The following RPRD2 variants were observed in gnomAD, a reference collection of about 807,000 sequenced individuals.
RPRD2 encodes regulation of nuclear pre-mRNA domain containing 2.
RPRD2 carries 12 observed loss-of-function variants against 104.4 expected under a neutral mutation model. The ratio of observed to expected loss-of-function variants is 0.11; its 90% CI spans 0.07 to 0.19. RPRD2 has a LOEUF of 0.19. Among genes scored for constraint, RPRD2 ranks in the 10% least tolerant of loss-of-function variants. The probability of loss-of-function intolerance (pLI) is 1.00; values close to 1 mark genes in which losing one functional copy is unlikely to be tolerated. For missense variants in RPRD2, 1,543 were observed against 1,790.1 expected, an observed-to-expected ratio of 0.86 and a Z score of 2.49; for synonymous variants, 714 against 684.9, an observed-to-expected ratio of 1.04 and a Z score of -0.66.
At chr1:150,434,171 G>T (rs117069894) in intron 2 of RPRD2, among the ~76,000 whole-genome samples, 1 of 152,018 alleles carries the variant, frequency 6.6e-6, no homozygotes, top group Non-Finnish European at 1.5e-5. Flanking sequence ...CCTGGCCAAC[G>T]TGGCAAAACC....
chr1:150,369,051 A>G (rs1660066672), intron 1 of RPRD2, among the ~76,000 whole-genome samples: 1 of 152,202 alleles, frequency 6.6e-6, no homozygotes, highest in Non-Finnish European at 1.5e-5. Context: ...CTGTCCCCAA[A>G]CAACTAGGAT....
At chr1:150,404,399 A>G (rs1663302331) in intron 1 of RPRD2, among the ~76,000 whole-genome samples, 1 of 152,032 alleles carries the variant, frequency 6.6e-6, no homozygotes, top group African/African-American at 2.4e-5. Flanking sequence ...GGTGCTTGCC[A>G]CCGCATCCAG....
intron 2 of RPRD2, among the ~76,000 whole-genome samples, chr1:150,427,860 G>A (rs1007118550): frequency 9.9e-5 from 15 of 152,012 alleles, no homozygotes; most frequent in Non-Finnish European, 2.2e-4. Flanking sequence ...AAAAAATAAA[G>A]TTAAATGATT....
intron 10 of RPRD2, among the ~76,000 whole-genome samples, chr1:150,466,034 A>AT (rs1553899888): frequency 1.5e-4 from 11 of 73,428 alleles, no homozygotes; most frequent in African/African-American, 1.7e-4. Context: ...AAAAAAAAAA[A>AT]TTTTTTTATG....
chr1:150,461,120 C>A (rs1667904183), intron 9 of RPRD2, among the ~76,000 whole-genome samples: 1 of 151,550 alleles, frequency 6.6e-6, no homozygotes, highest in African/African-American at 2.4e-5. Context: ...CTAGGCCAGG[C>A]GTGGTGGCTC....
At chr1:150,452,657 TC>T (rs200698569) in intron 7 of RPRD2, among the ~76,000 whole-genome samples, 4 of 123,798 alleles carry the variant, frequency 3.2e-5, no homozygotes, top group Non-Finnish European at 5.0e-5. Context: ...TTTTGACATA[TC>T]CCCTTTTTTT....
chr1:150,418,203 A>G (rs1489204523), intron 2 of RPRD2, among the ~76,000 whole-genome samples: 1 of 152,044 alleles, frequency 6.6e-6, no homozygotes, highest in African/African-American at 2.4e-5. Flanking sequence ...TCCTGACCTC[A>G]TGATCCACCT....
intron 1 of RPRD2, among the ~76,000 whole-genome samples, chr1:150,406,111 T>C (rs1663452549): frequency 6.6e-6 from 1 of 152,152 alleles, no homozygotes; most frequent in Non-Finnish European, 1.5e-5. Flanking sequence ...GAAAAAGAAA[T>C]TCGTGCTAGT....
At chr1:150,400,373 A>G (rs1051173966) in intron 1 of RPRD2, among the ~76,000 whole-genome samples, 1 of 151,980 alleles carries the variant, frequency 6.6e-6, no homozygotes, top group Non-Finnish European at 1.5e-5. Context: ...GCCTTATTGC[A>G]TTGGCTGAAA....
At chr1:150,439,001 ATT>A (rs1400942093) in intron 2 of RPRD2, among the ~76,000 whole-genome samples, 9 of 151,854 alleles carry the variant, frequency 5.9e-5, no homozygotes, top group Non-Finnish European at 1.0e-4. Flanking sequence ...CACCCAGCTA[ATT>A]TTTGTATTTT....
intron 2 of RPRD2, among the ~76,000 whole-genome samples, chr1:150,424,407 A>G (rs1572445467): frequency 6.6e-6 from 1 of 151,758 alleles, no homozygotes; most frequent in Admixed American, 6.6e-5. Context: ...CTCCTGCCTC[A>G]GCCTTGAGAA....
At chr1:150,422,367 T>TAATAATAATAATAATAAAAATAAA (rs1407375626) in intron 2 of RPRD2, among the ~76,000 whole-genome samples, 1 of 111,996 alleles carries the variant, frequency 8.9e-6, no homozygotes, top group Non-Finnish European at 1.8e-5. Context: ...ATAATAATAA[T>TAATAATAATAATAATAAAAATAAA]AAATAAAATT....
At chr1:150,397,583 TTC>T (rs1419955931) in intron 1 of RPRD2, among the ~76,000 whole-genome samples, 4 of 152,238 alleles carry the variant, frequency 2.6e-5, no homozygotes, top group Non-Finnish European at 5.9e-5. Flanking sequence ...TGAGTCTGAC[TTC>T]TTTCATTTAG....
intron 2 of RPRD2, among the ~76,000 whole-genome samples, chr1:150,437,691 C>T (rs587598195): frequency 2.0e-5 from 3 of 152,066 alleles, no homozygotes; most frequent in African/African-American, 7.2e-5. Context: ...CCGATTCCCC[C>T]ACCTCAGCCC....
intron 10 of RPRD2, among the ~76,000 whole-genome samples, chr1:150,466,662 A>G (rs1484044037): frequency 6.6e-6 from 1 of 151,442 alleles, no homozygotes; most frequent in African/African-American, 2.4e-5. Context: ...TAGATGTAGT[A>G]TTTTTGTTTT....
At chr1:150,378,846 G>A (rs1274254405) in intron 1 of RPRD2, among the ~76,000 whole-genome samples, 1 of 151,578 alleles carries the variant, frequency 6.6e-6, no homozygotes, top group Non-Finnish European at 1.5e-5. Context: ...AGCCAGGCAT[G>A]GTGGTGCGCG....
In RPRD2 at chr1:150,472,597, C is replaced by G. The variant is rs1668664276; in HGVS notation, c.3649C>G (p.Pro1217Ala). Residue 1217 changes from proline (P) to alanine (A), a missense_variant, in exon 11 of 11, where the codon CCT becomes GCT. Physicochemically the swap from Pro to Ala is conservative, Grantham distance 27 (BLOSUM62 -1). Coordinates refer to ENST00000369068, the MANE Select transcript of RPRD2 (RefSeq NM_015203.5). ...GCCAGTGGGGCCATCATCTGCCCCA[C>G]CTGTCCCTCCTAAGGATCATGGTGG... ...REPVGPSSAP[P>A]VPPKDHGGIF... 1.2e-6 allele frequency: 2 copies of G among 1,613,970 alleles called. No homozygotes were observed. The highest frequency in any genetic ancestry group is 1.7e-6 in the Non-Finnish European group (2 of 1,179,866).
At chr1:150,381,566 G>A (rs1043557074) in intron 1 of RPRD2, among the ~76,000 whole-genome samples, 5 of 149,752 alleles carry the variant, frequency 3.3e-5, no homozygotes, top group Non-Finnish European at 5.9e-5. Flanking sequence ...GTGCAGTGGC[G>A]TGATCTCAGC....
At chr1:150,460,394 G>T (rs963706716) in intron 9 of RPRD2, 77 bp downstream of exon 9, 102 of 1,081,878 alleles carry the variant, frequency 9.4e-5, no homozygotes, top group Non-Finnish European at 1.3e-4. Flanking sequence ...TTTTTGGGGG[G>T]GTTGTTGTTG....
Sources: gnomAD v4.1 joint callset for allele counts (sites outside exome capture counted in the v4.1 genomes callset) on GRCh38, gnomAD v4.1.1 for gene constraint, MANE v1.5 for transcripts, NCBI Gene and HGNC (gene_info 2026-07-23, HGNC 2026-07-21) for gene names.